Variants in DPYD observed in about 807,000 individuals in gnomAD.
The protein encoded by DPYD is dihydropyrimidine dehydrogenase, also known as dihydropyrimidine dehydrogenase [NADP(+)].
A neutral mutation model predicts 116.2 loss-of-function variants in DPYD; 109 were observed. The observed-to-expected ratio is 0.94, with a 90% CI of 0.80 to 1.10. The LOEUF (loss-of-function observed/expected upper bound fraction) is 1.10. Ranked by LOEUF, DPYD falls within the 50% of genes least tolerant of loss-of-function variation. The pLI is 0.00. For missense variants in DPYD, 1,302 were observed against 1,254.5 expected (o/e 1.04, Z -0.57); for synonymous variants, 440 against 432.0 (o/e 1.02, Z -0.23).
intron 20 of DPYD, among the ~76,000 whole-genome samples, chr1:97,151,999 T>C (rs920254783): frequency 6.6e-6 from 1 of 152,192 alleles, no homozygotes; most frequent in Non-Finnish European, 1.5e-5. Flanking sequence ...AAATAAGTAT[T>C]ACATTAACAT....
At chr1:97,199,550 A>T (rs771215795) in intron 19 of DPYD, among the ~76,000 whole-genome samples, 1 of 152,062 alleles carries the variant, frequency 6.6e-6, no homozygotes, top group Non-Finnish European at 1.5e-5. Flanking sequence ...GCAGGATATA[A>T]TTTTTTTAAT....
chr1:97,304,613 C>G (rs935218291), intron 18 of DPYD, among the ~76,000 whole-genome samples: 9 of 151,970 alleles, frequency 5.9e-5, no homozygotes, highest in Non-Finnish European at 1.0e-4. Context: ...TAATCCCAAA[C>G]CAGTACAGTC....
Position 97,437,857 on chromosome 1 carries a change from G to C in DPYD, c.1905+12202C>G, listed in dbSNP as rs1020399343. Among the ~76,000 whole-genome samples, 10 of 151,952 alleles carry C rather than the reference G, an allele frequency of 6.6e-5. No homozygotes were observed. The South Asian group carries it at 2.1e-3, about 32-fold the overall frequency. ...TTCTTCAAAAAGTTTTATAGTTTTA[G>C]GTTTCTCATTTAGGTCTATGAGTAT... On this transcript the variant is annotated intron_variant, in intron 14 of 22. Coordinates refer to ENST00000370192, the MANE Select transcript of DPYD (RefSeq NM_000110.4).
intron 13 of DPYD, among the ~76,000 whole-genome samples, chr1:97,513,658 C>T (rs1409676135): frequency 6.6e-6 from 1 of 151,696 alleles, no homozygotes; most frequent in South Asian, 2.1e-4. Context: ...ATGTATAGTA[C>T]ATGTAATATT....
intron 5 of DPYD, among the ~76,000 whole-genome samples, chr1:97,715,531 T>G (rs774870793): frequency 1.1e-4 from 16 of 152,114 alleles, no homozygotes; most frequent in Admixed American, 2.6e-4. Flanking sequence ...ATTAACTGAA[T>G]CCTTACCTAG....
At chr1:97,268,618 G>T (rs968173040) in intron 18 of DPYD, among the ~76,000 whole-genome samples, 1 of 152,064 alleles carries the variant, frequency 6.6e-6, no homozygotes, top group Middle Eastern at 3.2e-3. Context: ...GGATCAAGGT[G>T]CCCCTAGGAT....
intron 3 of DPYD, among the ~76,000 whole-genome samples, chr1:97,808,212 A>G (rs1172515311): frequency 6.6e-6 from 1 of 152,174 alleles, no homozygotes; most frequent in Non-Finnish European, 1.5e-5. Flanking sequence ...AAGAACCAAC[A>G]TCTTGAGAAT....
intron 16 of DPYD, among the ~76,000 whole-genome samples, chr1:97,342,775 G>T (rs916115408): frequency 2.0e-5 from 3 of 152,098 alleles, no homozygotes; most frequent in African/African-American, 7.2e-5. Flanking sequence ...TGGCATGCAG[G>T]GATCTGGCTT....
intron 14 of DPYD, among the ~76,000 whole-genome samples, chr1:97,406,276 CTTT>C (rs201319330): frequency 1.6e-5 from 1 of 61,028 alleles, no homozygotes; most frequent in African/African-American, 3.6e-5. Flanking sequence ...GTCTCTTTAG[CTTT>C]TTTTTTTTTT....
chr1:97,488,646 C>A (rs1186364539), intron 13 of DPYD, among the ~76,000 whole-genome samples: 2 of 152,030 alleles, frequency 1.3e-5, no homozygotes, highest in African/African-American at 4.8e-5. Flanking sequence ...GACACCAGAC[C>A]CAATTGAGAC....
intron 13 of DPYD, among the ~76,000 whole-genome samples, chr1:97,473,440 T>C (rs1230291139): frequency 1.3e-5 from 2 of 152,190 alleles, no homozygotes; most frequent in Non-Finnish European, 2.9e-5. Context: ...GCAGTCAACA[T>C]GGGAGTGCAG....
chr1:97,493,100 G>A (rs1679059809), intron 13 of DPYD, among the ~76,000 whole-genome samples: 1 of 152,116 alleles, frequency 6.6e-6, no homozygotes, highest in South Asian at 2.1e-4. Context: ...TCATTTCAGT[G>A]TTTCTAAAAA....
At chr1:97,163,322 G>T (rs1453108814) in intron 20 of DPYD, among the ~76,000 whole-genome samples, 1 of 152,122 alleles carries the variant, frequency 6.6e-6, no homozygotes, top group Admixed American at 6.6e-5. Flanking sequence ...GTGGGTGAAG[G>T]ACATGAACAG....
At chr1:97,452,398 G>A (rs556764172) in intron 13 of DPYD, among the ~76,000 whole-genome samples, 1 of 152,202 alleles carries the variant, frequency 6.6e-6, no homozygotes, top group East Asian at 1.9e-4. Flanking sequence ...CTAAAATAAA[G>A]TACTGTATCT....
rs528402724 is a variant in DPYD, at chr1:97,208,829, T to A, written c.2443-15581A>T. Among the ~76,000 whole-genome samples, 3 of 152,220 alleles carry A rather than the reference T, an allele frequency of 2.0e-5. No homozygotes were observed. In the East Asian group the frequency reaches 5.8e-4, roughly 30 times the overall value. On this transcript the variant is annotated intron_variant, in intron 19 of 22. Transcript: ENST00000370192. ...TGTGAGGACCAAATGAGATAAGAATTATTAAGTACTGTTTACTAGGAAGGC... is the reference window on the plus strand; with the variant it reads ...TGTGAGGACCAAATGAGATAAGAATAATTAAGTACTGTTTACTAGGAAGGC...
chr1:97,098,364 A>C, intron 21 of DPYD, 125 bp downstream of exon 21: 1 of 1,170,972 alleles, frequency 8.5e-7, no homozygotes, highest in Non-Finnish European at 1.2e-6. Context: ...AGATGTTTTT[A>C]AAACTTTCAT....
intron 19 of DPYD, among the ~76,000 whole-genome samples, chr1:97,209,176 A>C (rs1659875744): frequency 6.6e-6 from 1 of 152,184 alleles, no homozygotes; most frequent in South Asian, 2.1e-4. Context: ...CCTACCCATA[A>C]ATCAATATAC....
At chr1:97,815,157 A>G (rs184251896) in intron 3 of DPYD, among the ~76,000 whole-genome samples, 67 of 152,208 alleles carry the variant, frequency 4.4e-4, no homozygotes, top group Middle Eastern at 3.4e-3. Context: ...TCACCTTTGG[A>G]TATGTTAAAT....
intron 14 of DPYD, among the ~76,000 whole-genome samples, chr1:97,404,010 A>T (rs1007878953): frequency 2.0e-5 from 3 of 152,006 alleles, no homozygotes; most frequent in Non-Finnish European, 4.4e-5. Flanking sequence ...CATTTAGTTC[A>T]AAATATTTTT....
Sources: gnomAD v4.1 joint callset for allele counts (sites outside exome capture counted in the v4.1 genomes callset) on GRCh38, gnomAD v4.1.1 for gene constraint, MANE v1.5 for transcripts, NCBI Gene and HGNC (gene_info 2026-07-23, HGNC 2026-07-21) for gene names.